The following NPR3 variants were observed in gnomAD, a reference collection of about 807,000 sequenced individuals.
The protein encoded by NPR3 is atrial natriuretic peptide receptor 3.
A neutral mutation model predicts 54.5 loss-of-function variants in NPR3; 34 were observed. The ratio of observed to expected loss-of-function variants is 0.62; its 90% CI spans 0.47 to 0.83. The LOEUF (loss-of-function observed/expected upper bound fraction) is 0.83, where lower values mean the gene tolerates loss of function less well. NPR3 is among the 40% of genes least tolerant of loss of function. The pLI is 0.00. For synonymous variants in NPR3, 289 were observed against 297.1 expected (o/e 0.97, Z 0.28); for missense variants, 674 against 720.8 (o/e 0.94, Z 0.74).
rs187735561 is a variant in NPR3 at position 32,734,584 on chromosome 5, C to T, written c.893-4280C>T. Reference sequence around the variant, plus strand: ...CCACCACTCCCCTGCAAGTGCTTTCCTCAAGGTCACCAGTGAGCTTCTCAT... The same window carrying T: ...CCACCACTCCCCTGCAAGTGCTTTCTTCAAGGTCACCAGTGAGCTTCTCAT... On this transcript the variant is annotated intron_variant, in intron 2 of 7. Coordinates refer to ENST00000265074, the MANE Select transcript of NPR3 (RefSeq NM_001204375.2). Among the ~76,000 whole-genome samples the T allele has an allele frequency of 1.5e-3, 236 of 152,286 alleles. 2 individuals are homozygous for T. The highest frequency in any genetic ancestry group is 1.4e-3 in the Non-Finnish European group (96 of 68,012).
intron 1 of NPR3, among the ~76,000 whole-genome samples, chr5:32,717,600 G>A (rs1738624613): frequency 6.6e-6 from 1 of 152,178 alleles, no homozygotes; most frequent in Non-Finnish European, 1.5e-5. Flanking sequence ...TTTCTCTGAT[G>A]ACCAGTGATG....
intron 2 of NPR3, among the ~76,000 whole-genome samples, chr5:32,726,849 A>G (rs566931934): frequency 6.6e-6 from 1 of 152,322 alleles, no homozygotes; most frequent in African/African-American, 2.4e-5. Context: ...CATCCTGCCT[A>G]TTTTATAAAT....
chr5:32,713,042 T>C (rs1213395991), intron 1 of NPR3: 1 of 438,588 alleles, frequency 2.3e-6, no homozygotes, highest in Non-Finnish European at 3.0e-6. Context: ...GGGGTTTCTC[T>C]GACTGTTGTT....
intron 3 of NPR3, among the ~76,000 whole-genome samples, chr5:32,740,949 G>T (rs1740006658): frequency 6.6e-6 from 1 of 151,888 alleles, no homozygotes; most frequent in Non-Finnish European, 1.5e-5. Flanking sequence ...GAACACAAAG[G>T]GTACTGAACT....
chr5:32,710,851 C>G, upstream of NPR3: 1 of 1,183,974 alleles, frequency 8.4e-7, no homozygotes, highest in Non-Finnish European at 1.1e-6. Context: ...CCCTTTCCCC[C>G]AGTCCTGGTT....
At chr5:32,704,066 C>T (rs558810371) in intron 1 of NPR3, among the ~76,000 whole-genome samples, 9 of 152,306 alleles carry the variant, frequency 5.9e-5, no homozygotes, top group African/African-American at 1.7e-4. Flanking sequence ...TTGGTTAGGG[C>T]TAGTGTAAAT....
chr5:32,748,290 T>A (rs908440845), intron 3 of NPR3, among the ~76,000 whole-genome samples: 1 of 152,234 alleles, frequency 6.6e-6, no homozygotes, highest in Non-Finnish European at 1.5e-5. Context: ...GTTGATTGTA[T>A]CAGTAAGGAT....
chr5:32,778,212 T>C (rs1030294469), intron 4 of NPR3, among the ~76,000 whole-genome samples: 6 of 152,228 alleles, frequency 3.9e-5, no homozygotes, highest in Non-Finnish European at 4.4e-5. Context: ...AACAATCAAC[T>C]GTGTAGTTCA....
chr5:32,783,791 C>T (rs1742459654), intron 6 of NPR3, among the ~76,000 whole-genome samples: 2 of 152,132 alleles, frequency 1.3e-5, no homozygotes, highest in Admixed American at 1.3e-4. Flanking sequence ...GGTTTTGTGA[C>T]CCTAGGAGTC....
chr5:32,744,273 G>A (rs112867259), intron 3 of NPR3, among the ~76,000 whole-genome samples: 8,898 of 152,234 alleles, frequency 0.058, 300 homozygotes, highest in Non-Finnish European at 0.073. Flanking sequence ...TTACAGGCGT[G>A]AGCCATCTCG....
Position 32,787,033 on chromosome 5 carries a change from AAAAG to A in NPR3, c.*689_*692del, listed in dbSNP as rs1742676903. Reference sequence around the variant, plus strand: ...ATATTTCCTTTTTGATGTAAAAAAAAAAAGCCCTATTTCGCACTAACATTTTATT... The same window carrying A: ...ATATTTCCTTTTTGATGTAAAAAAAACCCTATTTCGCACTAACATTTTATT... On this transcript the variant is annotated 3_prime_UTR_variant, in exon 8 of 8. Transcript: ENST00000265074. 1 of 152,634 alleles carries A rather than the reference AAAAG, an allele frequency of 6.6e-6. No homozygotes were observed. The highest frequency in any genetic ancestry group is 6.5e-5 in the Admixed American group (1 of 15,278). The allele number at this position is 152,634 out of a possible 1,614,324, so 9.5% of individuals were successfully genotyped here.
At chr5:32,718,710 CT>C (rs1406812523) in intron 1 of NPR3, among the ~76,000 whole-genome samples, 1 of 152,168 alleles carries the variant, frequency 6.6e-6, no homozygotes, top group Non-Finnish European at 1.5e-5. Flanking sequence ...TATCCTGAGA[CT>C]TTGCTGAAGT....
At chr5:32,740,057 C>T (rs796883755) in intron 3 of NPR3, among the ~76,000 whole-genome samples, 2 of 152,146 alleles carry the variant, frequency 1.3e-5, no homozygotes, top group African/African-American at 4.8e-5. Context: ...ATTAGAAGCA[C>T]CTTCTTAATG....
intron 3 of NPR3, among the ~76,000 whole-genome samples, chr5:32,756,640 G>A (rs1740855331): frequency 6.6e-6 from 1 of 152,240 alleles, no homozygotes; most frequent in Admixed American, 6.5e-5. Context: ...GGCTTTTGTT[G>A]CCATTGCTTT....
chr5:32,752,157 T>A (rs1740610275), intron 3 of NPR3, among the ~76,000 whole-genome samples: 1 of 152,002 alleles, frequency 6.6e-6, no homozygotes, highest in African/African-American at 2.4e-5. Context: ...TGAGCCAAGA[T>A]CATACCATTG....
At chr5:32,780,590 C>T (rs1742286285) in intron 4 of NPR3, 132 bp from the exon 5 acceptor site, 2 of 699,852 alleles carry the variant, frequency 2.9e-6, no homozygotes, top group Non-Finnish European at 5.3e-6. Context: ...AACAAAAATG[C>T]TCAGAGTCTG....
At chr5:32,768,174 G>C (rs550446344) in intron 3 of NPR3, among the ~76,000 whole-genome samples, 1 of 152,168 alleles carries the variant, frequency 6.6e-6, no homozygotes, top group South Asian at 2.1e-4. Context: ...CATGTGTCCC[G>C]AGCAGTCTTG....
intron 3 of NPR3, among the ~76,000 whole-genome samples, chr5:32,740,412 TTTG>T (rs1739976948): frequency 6.6e-6 from 1 of 152,238 alleles, no homozygotes; most frequent in African/African-American, 2.4e-5. Context: ...TTTATAGGAA[TTTG>T]TTATCAAATG....
chr5:32,779,491 G>A (rs1173746), intron 4 of NPR3, among the ~76,000 whole-genome samples: 3,942 of 152,248 alleles, frequency 0.026, 175 homozygotes, highest in African/African-American at 0.09. Context: ...TGGCCACCCC[G>A]TTCCAGCCTT....
Sources: gnomAD v4.1 joint callset for allele counts (sites outside exome capture counted in the v4.1 genomes callset) on GRCh38, gnomAD v4.1.1 for gene constraint, MANE v1.5 for transcripts, NCBI Gene and HGNC (gene_info 2026-07-23, HGNC 2026-07-21) for gene names.